The following CPA6 variants were observed in gnomAD, a reference collection of about 807,000 sequenced individuals.
CPA6 encodes carboxypeptidase B.
Under a neutral mutation model 63.3 loss-of-function variants are expected in CPA6, and 58 were observed. That is an observed-to-expected ratio of 0.92 (90% CI 0.74 to 1.14). The LOEUF (loss-of-function observed/expected upper bound fraction) is 1.14, where lower values mean the gene tolerates loss of function less well. Among genes scored for constraint, CPA6 ranks in the 50% most tolerant of loss-of-function variants. CPA6 has a pLI of 0.00. For missense variants in CPA6, 565 were observed against 526.6 expected, an observed-to-expected ratio of 1.07 and a Z score of -0.71; for synonymous variants, 185 against 179.0, an observed-to-expected ratio of 1.03 and a Z score of -0.27.
At chr8:67,611,977 CTATCT>C (rs1345348183) in intron 2 of CPA6, among the ~76,000 whole-genome samples, 10 of 152,186 alleles carry the variant, frequency 6.6e-5, no homozygotes, top group Admixed American at 6.5e-4. Flanking sequence ...TTTATATTTT[CTATCT>C]TATGTCTTTT....
chr8:67,533,173 T>C (rs982949201), intron 2 of CPA6, among the ~76,000 whole-genome samples: 2 of 152,142 alleles, frequency 1.3e-5, no homozygotes, highest in African/African-American at 2.4e-5. Flanking sequence ...CAGAGGGACA[T>C]TTTGCCCTCA....
At chr8:67,559,306 C>T (rs959315888) in intron 2 of CPA6, among the ~76,000 whole-genome samples, 6 of 152,102 alleles carry the variant, frequency 3.9e-5, no homozygotes, top group Non-Finnish European at 7.4e-5. Flanking sequence ...GATAGATTAA[C>T]CAGGTCTTAT....
intron 1 of CPA6, among the ~76,000 whole-genome samples, chr8:67,699,987 C>G (rs973180186): frequency 1.3e-5 from 2 of 152,206 alleles, no homozygotes; most frequent in Non-Finnish European, 2.9e-5. Context: ...TTGGGGGAAA[C>G]AGTTACCTAA....
At chr8:67,626,311 A>AT (rs892669004) in intron 1 of CPA6, among the ~76,000 whole-genome samples, 3 of 152,110 alleles carry the variant, frequency 2.0e-5, no homozygotes, top group Non-Finnish European at 4.4e-5. Context: ...CTGGGCAATG[A>AT]TTTTTTAGGG....
At chr8:67,635,916 C>T (rs1305271317) in intron 1 of CPA6, among the ~76,000 whole-genome samples, 1 of 151,430 alleles carries the variant, frequency 6.6e-6, no homozygotes, top group Non-Finnish European at 1.5e-5. Flanking sequence ...CACAAGGGAC[C>T]AGAGTAGATG....
rs562574677 is a variant in CPA6 at position 67,569,506 on chromosome 8, A to C, written c.193-51459T>G. 13 of 424,374 alleles carry C rather than the reference A, an allele frequency of 3.1e-5. No individual in the cohort carries two copies. The East Asian group carries it at 8.0e-4, about 26-fold the overall frequency. 26.3% of individuals were successfully genotyped at this position (424,374 alleles called of 1,614,324 possible). Reference sequence around the variant, plus strand: ...GACAGGGTCTGTAACAGAATCTAACAGTGATGAATCAGTACCAGAGCTTGA... The same window carrying C: ...GACAGGGTCTGTAACAGAATCTAACCGTGATGAATCAGTACCAGAGCTTGA... On this transcript the variant is annotated intron_variant, in intron 2 of 10. Transcript: ENST00000297770.
intron 1 of CPA6, among the ~76,000 whole-genome samples, chr8:67,662,876 G>A (rs1020068759): frequency 2.6e-5 from 4 of 152,142 alleles, no homozygotes; most frequent in South Asian, 2.1e-4. Context: ...TGAACAAAGC[G>A]GTTTCTTAAC....
At chr8:67,540,875 G>C (rs1363561233) in intron 2 of CPA6, among the ~76,000 whole-genome samples, 1 of 152,200 alleles carries the variant, frequency 6.6e-6, no homozygotes, top group African/African-American at 2.4e-5. Flanking sequence ...CAGTGTCCCA[G>C]GTTGACTTCA....
intron 1 of CPA6, among the ~76,000 whole-genome samples, chr8:67,656,602 G>A (rs1452549345): frequency 6.6e-6 from 1 of 152,158 alleles, no homozygotes; most frequent in Non-Finnish European, 1.5e-5. Context: ...CATCAATGTA[G>A]GGTTCAAGGC....
At chr8:67,648,805 T>C (rs1265652857) in intron 1 of CPA6, among the ~76,000 whole-genome samples, 2 of 152,328 alleles carry the variant, frequency 1.3e-5, no homozygotes, top group East Asian at 3.9e-4. Context: ...GCCTTTTATT[T>C]GTTAACCAAA....
chr8:67,588,523 G>C (rs1814010773), intron 2 of CPA6, among the ~76,000 whole-genome samples: 1 of 152,094 alleles, frequency 6.6e-6, no homozygotes, highest in African/African-American at 2.4e-5. Flanking sequence ...TGTACAGAGA[G>C]GGAAAATTCA....
chr8:67,572,764 A>C (rs1178652329), intron 2 of CPA6, among the ~76,000 whole-genome samples: 2 of 152,250 alleles, frequency 1.3e-5, no homozygotes, highest in South Asian at 4.1e-4. Flanking sequence ...AGAGAAGAGA[A>C]TACTTCCAAA....
chr8:67,531,466 G>A (rs568727840), intron 2 of CPA6, among the ~76,000 whole-genome samples: 45 of 152,162 alleles, frequency 3.0e-4, no homozygotes, highest in Middle Eastern at 3.4e-3. Flanking sequence ...TATATTAATA[G>A]CAGCAAAACG....
At chr8:67,585,192 A>G (rs976829014) in intron 2 of CPA6, among the ~76,000 whole-genome samples, 1 of 152,200 alleles carries the variant, frequency 6.6e-6, no homozygotes, top group African/African-American at 2.4e-5. Flanking sequence ...GGTCTGGATC[A>G]TCATTCAATG....
At chr8:67,581,172 G>T (rs1340263294) in intron 2 of CPA6, among the ~76,000 whole-genome samples, 2 of 152,172 alleles carry the variant, frequency 1.3e-5, no homozygotes, top group Non-Finnish European at 2.9e-5. Context: ...TACAGTACTG[G>T]TCAATATCCA....
chr8:67,482,612 T>C (rs913731001), intron 8 of CPA6, among the ~76,000 whole-genome samples: 3 of 152,218 alleles, frequency 2.0e-5, no homozygotes, highest in Non-Finnish European at 4.4e-5. Flanking sequence ...AACTGACTGT[T>C]CTGGGGGTCA....
chr8:67,712,261 G>A (rs1817279710), intron 1 of CPA6, among the ~76,000 whole-genome samples: 1 of 152,134 alleles, frequency 6.6e-6, no homozygotes, highest in Non-Finnish European at 1.5e-5. Context: ...ATGCCTTGGA[G>A]GGTCTGGCAC....
chr8:67,672,191 AG>A (rs1350992751), intron 1 of CPA6, among the ~76,000 whole-genome samples: 2 of 152,172 alleles, frequency 1.3e-5, no homozygotes, highest in Non-Finnish European at 2.9e-5. Context: ...GCATGAACAA[AG>A]TATTTCAGTA....
In CPA6 at chr8:67,503,700, A is replaced by G. The variant is rs1375606308; in HGVS notation, c.636+3087T>C. ...ATAATAATTGATTTTATTGTTTATT[A>G]TATGCCAAACATTCTGTTAAGTCTT... On this transcript the variant is annotated intron_variant, in intron 6 of 10. Transcript: ENST00000297770. 2.0e-5 allele frequency among the ~76,000 whole-genome samples: 3 copies of G among 152,098 alleles called. No homozygotes were observed. The East Asian group carries it at 5.8e-4, about 29-fold the overall frequency.
Sources: allele counts gnomAD v4.1 joint callset (sites outside exome capture counted in the v4.1 genomes callset), GRCh38; gene constraint gnomAD v4.1.1; transcripts MANE v1.5; gene names NCBI Gene and HGNC (gene_info 2026-07-23, HGNC 2026-07-21).